The following PTK2 variants were observed in gnomAD, a reference collection of about 807,000 sequenced individuals.
PTK2 encodes the protein focal adhesion kinase 1.
In PTK2, 45 loss-of-function variants were observed where a neutral mutation model predicts 150.1. The ratio of observed to expected loss-of-function variants is 0.30; its 90% confidence interval spans 0.24 to 0.38. The LOEUF is 0.38. Among genes scored for constraint, PTK2 ranks in the 10% least tolerant of loss-of-function variants. The pLI, the probability that PTK2 is intolerant of heterozygous loss-of-function variation, is 1.00. For missense variants in PTK2, 919 were observed against 1,307.3 expected, an observed-to-expected ratio of 0.70 and a Z score of 4.58; for synonymous variants, 432 against 449.2, an observed-to-expected ratio of 0.96 and a Z score of 0.48.
chr8:140,761,322 ACTT>A (rs760994575), intron 15 of PTK2, 60 bp from the exon 19 acceptor site: 1 of 1,282,482 alleles, frequency 7.8e-7, no homozygotes, highest in Non-Finnish European at 1.1e-6. Flanking sequence ...TAGAAATAAC[ACTT>A]GACGTATTTC....
At chr8:140,786,893 A>G (rs534997986) in intron 14 of PTK2, among the ~76,000 whole-genome samples, 47 of 152,266 alleles carry the variant, frequency 3.1e-4, no homozygotes, top group Non-Finnish European at 6.3e-4. Flanking sequence ...TGGATGGAAC[A>G]GCTCAAGCAG....
rs1344002313 is a variant in PTK2 at position 140,975,667 on chromosome 8, CG to C, written c.-122+25457del. Among the ~76,000 whole-genome samples the C allele has an allele frequency of 2.6e-5, 4 of 152,136 alleles. No homozygotes were observed. The East Asian group carries it at 7.7e-4, about 29-fold the overall frequency. On this transcript the variant is annotated intron_variant, in intron 1 of 31. Transcript: ENST00000522684. ...ATGCGATAGGCTGTATGTGTATATGCGACCCCCGAAGGCTGAAGTTTCTACT... is the reference window on the plus strand; with the variant it reads ...ATGCGATAGGCTGTATGTGTATATGCACCCCCGAAGGCTGAAGTTTCTACT...
chr8:140,968,558 A>C (rs1207550159), intron 1 of PTK2, among the ~76,000 whole-genome samples: 3 of 152,216 alleles, frequency 2.0e-5, no homozygotes, highest in African/African-American at 7.2e-5. Context: ...ATCAGATATG[A>C]ATGCAAAGCA....
At chr8:140,746,892 C>A in intron 17 of PTK2, 32 bp from the exon 21 acceptor site, 111 of 989,472 alleles carry the variant, frequency 1.1e-4, no homozygotes, top group Non-Finnish European at 1.5e-4. Flanking sequence ...GTTATTCTTT[C>A]TTTTTTTTTT....
chr8:140,882,267 T>A (rs957381874), intron 3 of PTK2, among the ~76,000 whole-genome samples: 4 of 152,158 alleles, frequency 2.6e-5, no homozygotes, highest in Non-Finnish European at 5.9e-5. Context: ...AACAAATAAT[T>A]CTGAGAACTA....
chr8:140,735,099 T>G (rs2100051806), intron 22 of PTK2, 152 bp downstream of exon 25: 8 of 707,222 alleles, frequency 1.1e-5, no homozygotes, highest in Non-Finnish European at 2.4e-6. Flanking sequence ...TACAAAGAAA[T>G]GCAAATCAAT....
chr8:140,963,864 G>T (rs762643170), intron 1 of PTK2, among the ~76,000 whole-genome samples: 7 of 152,118 alleles, frequency 4.6e-5, no homozygotes, highest in Non-Finnish European at 1.0e-4. Context: ...GAACTTGAGG[G>T]GGGTTAGGGG....
intron 1 of PTK2, among the ~76,000 whole-genome samples, chr8:140,946,611 G>T (rs1208317818): frequency 2.6e-5 from 4 of 152,182 alleles, no homozygotes; most frequent in Non-Finnish European, 4.4e-5. Context: ...TTTCCCGCAT[G>T]AATACACCCA....
At chr8:140,986,095 G>A (rs1482340517) in intron 1 of PTK2, among the ~76,000 whole-genome samples, 1 of 152,182 alleles carries the variant, frequency 6.6e-6, no homozygotes, top group East Asian at 1.9e-4. Context: ...CTATCCACTA[G>A]AACTTTCTGC....
rs2100101658 is a variant in PTK2, at chr8:140,811,700, A to G, written c.867+6577T>C. On this transcript the variant is annotated intron_variant, in intron 10 of 31. Transcript: ENST00000522684. ...CAATACAGGAGCTGAGAGAAAAAATAGCCAGAATAGAAAAGAACATAATCA... is the reference window on the plus strand; with the variant it reads ...CAATACAGGAGCTGAGAGAAAAAATGGCCAGAATAGAAAAGAACATAATCA... 8.5e-5 allele frequency among the ~76,000 whole-genome samples: 13 copies of G among 152,362 alleles called. No homozygotes were observed. The South Asian group carries it at 2.7e-3, about 32-fold the overall frequency.
At chr8:140,841,134 T>C (rs1198792694) in intron 7 of PTK2, among the ~76,000 whole-genome samples, 1 of 152,160 alleles carries the variant, frequency 6.6e-6, no homozygotes, top group Non-Finnish European at 1.5e-5. Context: ...GATGGGTATG[T>C]TAACAAGCTT....
intron 27 of PTK2, among the ~76,000 whole-genome samples, chr8:140,681,634 G>A (rs535468281): frequency 4.9e-4 from 74 of 152,102 alleles, no homozygotes; most frequent in African/African-American, 1.5e-3. Context: ...AAAATTAGCC[G>A]GGCGTGGTGG....
At chr8:140,975,641 A>C (rs537249128) in intron 1 of PTK2, among the ~76,000 whole-genome samples, 1 of 152,292 alleles carries the variant, frequency 6.6e-6, no homozygotes, top group South Asian at 2.1e-4. Context: ...AATTAGAGGA[A>C]ATGCGATAGG....
At chr8:140,915,033 C>CAAAAAAA (rs10661609) in intron 2 of PTK2, among the ~76,000 whole-genome samples, 26 of 52,922 alleles carry the variant, frequency 4.9e-4, no homozygotes, top group East Asian at 1.7e-3. Flanking sequence ...AACTCCAACT[C>CAAAAAAA]AAAAAAAAAA....
At chr8:140,927,961 A>AAAAAAAAAAAAAAAAAAAAAAAAAAG (rs2100170199) in intron 1 of PTK2, among the ~76,000 whole-genome samples, 2 of 32,756 alleles carry the variant, frequency 6.1e-5, no homozygotes, top group African/African-American at 9.6e-5. Context: ...AAAAAAAGAA[A>AAAAAAAAAAAAAAAAAAAAAAAAAAG]AAAAAAAAAA....
rs141368306 is a variant in PTK2 at position 140,921,223 on chromosome 8, T to G, written c.-33+4438A>C. 1.3e-4 allele frequency: 106 copies of G among 801,244 alleles called. No homozygotes were observed. In the African/African-American group the frequency reaches 1.8e-3, roughly 13 times the overall value. 49.6% of individuals were successfully genotyped at this position (801,244 alleles called of 1,614,324 possible). ...ACCCCATGGCTCTGTGTTCCTAGATTCATTCAGGGAAGGAGAAAGAGGGAG... is the reference window on the plus strand; with the variant it reads ...ACCCCATGGCTCTGTGTTCCTAGATGCATTCAGGGAAGGAGAAAGAGGGAG... On this transcript the variant is annotated intron_variant, in intron 2 of 31. Coordinates refer to ENST00000522684, the Ensembl canonical transcript of PTK2.
chr8:140,881,796 T>G (rs61113738), intron 3 of PTK2, among the ~76,000 whole-genome samples: 1 of 152,158 alleles, frequency 6.6e-6, no homozygotes, highest in African/African-American at 2.4e-5. Context: ...ATAGGAGACC[T>G]GCAGCAAACC....
At chr8:140,824,048 G>C (rs1406664049) in intron 8 of PTK2, among the ~76,000 whole-genome samples, 1 of 152,052 alleles carries the variant, frequency 6.6e-6, no homozygotes, top group Non-Finnish European at 1.5e-5. Flanking sequence ...TCTACAACAG[G>C]GATTGAAGCC....
intron 14 of PTK2, among the ~76,000 whole-genome samples, chr8:140,772,758 C>T (rs1327022419): frequency 6.6e-6 from 1 of 152,002 alleles, no homozygotes; most frequent in Non-Finnish European, 1.5e-5. Flanking sequence ...GCAAGTGAGC[C>T]AAAATATAAA....
Sources: allele counts gnomAD v4.1 joint callset (sites outside exome capture counted in the v4.1 genomes callset), GRCh38; gene constraint gnomAD v4.1.1; transcripts MANE v1.5; gene names NCBI Gene and HGNC (gene_info 2026-07-23, HGNC 2026-07-21).